Variants in RRAGC observed in about 807,000 individuals in gnomAD.
RRAGC encodes the protein Ras related GTP binding C.
In RRAGC, 8 loss-of-function variants were observed where a neutral mutation model predicts 37.1. The observed-to-expected ratio is 0.22, with a 90% CI of 0.13 to 0.39. The LOEUF is 0.39. Ranked by LOEUF, RRAGC falls within the 10% of genes least tolerant of loss-of-function variation. The pLI, the probability that RRAGC is intolerant of heterozygous loss-of-function variation, is 1.00. For synonymous variants in RRAGC, 190 were observed against 181.1 expected, an observed-to-expected ratio of 1.05 and a Z score of -0.39; for missense variants, 342 against 497.6, an observed-to-expected ratio of 0.69 and a Z score of 2.98.
chr1:38,841,299 A>G (rs981035121), intron 6 of RRAGC, among the ~76,000 whole-genome samples: 2 of 152,138 alleles, frequency 1.3e-5, no homozygotes, highest in Admixed American at 6.6e-5. Flanking sequence ...TGAACCCAGG[A>G]GCTGAATGCA....
At chr1:38,857,336 T>G (rs551192283) in intron 1 of RRAGC, among the ~76,000 whole-genome samples, 1 of 152,348 alleles carries the variant, frequency 6.6e-6, no homozygotes, top group East Asian at 1.9e-4. Flanking sequence ...TACTCAGTAC[T>G]AATAGTAGCA....
rs1641956675 is a variant in RRAGC, at chr1:38,841,017, A to T, written c.1049-1313T>A. ...TTAAAAACCACTACCTTTTAGAGATACCTACTGAAATCTGCAGAGACAAAA... is the reference window on the plus strand; with the variant it reads ...TTAAAAACCACTACCTTTTAGAGATTCCTACTGAAATCTGCAGAGACAAAA... On this transcript the variant is annotated intron_variant, in intron 6 of 6. Coordinates refer to ENST00000373001, the MANE Select transcript of RRAGC (RefSeq NM_022157.4). Among the ~76,000 whole-genome samples, 4 of 152,374 alleles carry T rather than the reference A, an allele frequency of 2.6e-5. No individual in the cohort carries two copies. The South Asian group carries it at 8.3e-4, about 32-fold the overall frequency.
chr1:38,858,775 A>T (rs1319639272), intron 1 of RRAGC, among the ~76,000 whole-genome samples: 1 of 152,246 alleles, frequency 6.6e-6, no homozygotes, highest in Non-Finnish European at 1.5e-5. Flanking sequence ...CAAACAGACT[A>T]GGTCTGCAAA....
intron 5 of RRAGC, chr1:38,847,694 T>C (rs1325740935): frequency 6.6e-6 from 1 of 152,182 alleles, no homozygotes; most frequent in Non-Finnish European, 1.5e-5. Context: ...AACCACATTA[T>C]GTCCTTTCTG....
In RRAGC at chr1:38,855,664, T is replaced by G. The variant is rs752326065; in HGVS notation, c.641+44A>C. 2.0e-6 allele frequency: 3 copies of G among 1,472,408 alleles called. No individual in the cohort carries two copies. In the African/African-American group the frequency reaches 4.2e-5, roughly 20 times the overall value. The allele number at this position is 1,472,408 out of a possible 1,614,324, so 91.2% of individuals were successfully genotyped here. ...GTAATGACAGAGATGGGAATACATT[T>G]ACACCTTGTTCAGGGCTTTCATATC... On this transcript the variant is annotated intron_variant, in intron 3 of 6. Coordinates refer to ENST00000373001, the MANE Select transcript of RRAGC (RefSeq NM_022157.4).
At chr1:38,851,948 C>T (rs976857281) in intron 4 of RRAGC, among the ~76,000 whole-genome samples, 191 bp from the exon 5 acceptor site, 2 of 152,192 alleles carry the variant, frequency 1.3e-5, no homozygotes, top group Non-Finnish European at 2.9e-5. Flanking sequence ...TATTTCTCTA[C>T]TCTGATTTAC....
intron 5 of RRAGC, chr1:38,847,793 C>T (rs1012061797): frequency 2.0e-5 from 3 of 152,172 alleles, no homozygotes; most frequent in African/African-American, 7.2e-5. Flanking sequence ...CACCTGTAAT[C>T]CCAACACTTT....
intron 6 of RRAGC, among the ~76,000 whole-genome samples, chr1:38,845,489 G>A (rs953328406): frequency 6.6e-6 from 1 of 152,156 alleles, no homozygotes; most frequent in Non-Finnish European, 1.5e-5. Context: ...GTGGGTGGCT[G>A]GGGGAGGGAT....
At chr1:38,850,702 G>GA (rs1305505757) in intron 5 of RRAGC, among the ~76,000 whole-genome samples, 1 of 152,114 alleles carries the variant, frequency 6.6e-6, no homozygotes, top group Admixed American at 6.6e-5. Flanking sequence ...AGACTAGATG[G>GA]AGCAGAGAGA....
At chr1:38,848,140 T>C (rs985757641) in intron 5 of RRAGC, 8 of 152,172 alleles carry the variant, frequency 5.3e-5, no homozygotes, top group African/African-American at 1.9e-4. Context: ...TCCATGCAGT[T>C]TCCAGTACCT....
chr1:38,846,472 A>AC (rs35489230), intron 5 of RRAGC: 149,891 of 157,286 alleles, frequency 0.95, 71,675 homozygotes, highest in African/African-American at 0.99. Flanking sequence ...GGTAACAGGG[A>AC]CCTCTGGGAC....
At chr1:38,840,510 C>T (rs1641950773) in intron 6 of RRAGC, among the ~76,000 whole-genome samples, 1 of 152,140 alleles carries the variant, frequency 6.6e-6, no homozygotes, top group Non-Finnish European at 1.5e-5. Flanking sequence ...AAGAAACAAA[C>T]CAAAACAATC....
In RRAGC at chr1:38,859,739, C is replaced by A; in HGVS notation, c.-93G>T. The A allele has an allele frequency of 9.3e-7, 1 of 1,073,524 alleles. No homozygotes were observed. The allele number at this position is 1,073,524 out of a possible 1,614,324, so 66.5% of individuals were successfully genotyped here. ...CAGTCCGCCTCCGCCGCCGCCGCCA[C>A]CACCGCCACCGCCCCCGGCAGCCGC... On this transcript the variant is annotated 5_prime_UTR_variant, in exon 1 of 7. Transcript: ENST00000373001.
chr1:38,850,511 T>TAAA (rs1457544463), intron 5 of RRAGC, among the ~76,000 whole-genome samples: 3 of 134,316 alleles, frequency 2.2e-5, no homozygotes, highest in African/African-American at 5.8e-5. Flanking sequence ...AAGACTCCGT[T>TAAA]TAATAAATAA....
chr1:38,852,574 T>C, intron 3 of RRAGC, 86 bp from the exon 4 acceptor site: 1 of 687,766 alleles, frequency 1.5e-6, no homozygotes. Flanking sequence ...TTTAAGTTTC[T>C]TAACATTTGA....
Position 38,852,385 on chromosome 1 carries a change from T to C in RRAGC, c.745A>G (p.Ile249Val). 1 of 1,546,152 alleles carries C rather than the reference T, an allele frequency of 6.5e-7. No homozygotes were observed. Among genetic ancestry groups the C allele is most frequent in the Non-Finnish European group, 8.9e-7 (1 of 1,119,186 alleles). Residue 249 changes from isoleucine to valine, a missense_variant, in exon 4 of 7, where the codon ATC (isoleucine) becomes GTC (valine). By Grantham distance (29) the Ile-to-Val change is conservative. Around this residue, in one of 3 missense-constraint regions of RRAGC, gnomAD observed 134 missense variants for 277.2 expected, o/e 0.48. Transcript: ENST00000373001. The part of the protein sequence containing the change: ...QLPTLENLLN[I>V]FISNSGIEKA... ...AATTGCTCACTTACTGATATAAAGA[T>C]ATTTAATAGGTTTTCCAAGGTCGGC...
At chr1:38,842,064 A>C (rs796114888) in intron 6 of RRAGC, among the ~76,000 whole-genome samples, 23 of 152,278 alleles carry the variant, frequency 1.5e-4, no homozygotes, top group African/African-American at 5.5e-4. Context: ...CGAGGTCAGG[A>C]GATCGAGACC....
At chr1:38,839,811 T>C in intron 6 of RRAGC, 107 bp from the exon 7 acceptor site, 1 of 1,125,372 alleles carries the variant, frequency 8.9e-7, no homozygotes, top group South Asian at 1.5e-5. Flanking sequence ...TTGGAAATTC[T>C]TAAGCCTCCA....
At chr1:38,856,408 T>C (rs1642167726) in intron 2 of RRAGC, among the ~76,000 whole-genome samples, 1 of 152,192 alleles carries the variant, frequency 6.6e-6, no homozygotes, top group African/African-American at 2.4e-5. Flanking sequence ...TCTTAAAGGA[T>C]AGGGACTTGC....
Sources: allele counts gnomAD v4.1 joint callset (sites outside exome capture counted in the v4.1 genomes callset), GRCh38; gene constraint gnomAD v4.1.1; regional missense constraint gnomAD v4.1.1; transcripts MANE v1.5; gene names NCBI Gene and HGNC (gene_info 2026-07-23, HGNC 2026-07-21).